UBXN2A: variants seen among roughly 807,000 people sequenced by gnomAD.
UBXN2A encodes UBX domain protein 2A, also known as UBX domain-containing protein 2A.
A neutral mutation model predicts 28.4 loss-of-function variants in UBXN2A; 28 were observed. The ratio of observed to expected loss-of-function variants is 0.99; its 90% confidence interval spans 0.73 to 1.35. UBXN2A has a LOEUF of 1.35. UBXN2A is among the 40% of genes most tolerant of loss of function. The pLI is 0.00. For synonymous variants in UBXN2A, 97 were observed against 103.6 expected (o/e 0.94, Z 0.39); for missense variants, 253 against 297.9 (o/e 0.85, Z 1.11).
chr2:23,941,770 A>T lies in UBXN2A; in HGVS notation c.-15+1122A>T, dbSNP rs1487452378. On this transcript the variant is annotated intron_variant, in intron 1 of 6. Coordinates refer to ENST00000309033, the MANE Select transcript of UBXN2A (RefSeq NM_181713.4). Reference sequence around the variant, plus strand: ...ACTCTACAGTGTCATTGGGCAAAACAGATATTAAGCAAATAATCAGGGCCC... The same window carrying T: ...ACTCTACAGTGTCATTGGGCAAAACTGATATTAAGCAAATAATCAGGGCCC... Among the ~76,000 whole-genome samples, 20 of 152,348 alleles carry T rather than the reference A, an allele frequency of 1.3e-4. No homozygotes were observed. The East Asian group carries it at 3.9e-3, about 29-fold the overall frequency.
At position 23,999,678 on chromosome 2, in the gene UBXN2A, C is replaced by G. The variant is rs1708667734; in HGVS notation, c.591C>G (p.Ser197Arg). 6.2e-7 allele frequency: 1 copy of G among 1,612,598 alleles called. No individual in the cohort carries two copies. The highest frequency in any genetic ancestry group is 1.3e-5 in the African/African-American group (1 of 74,792). ...VQKFNITHRV[S>R]HIKDFIEKYQ... is the part of the protein sequence containing the mutation. ...AGTTTTTGCTGTTTTACAGAGTAAG[C>G]CATATCAAAGACTTCATTGAAAAAT... Residue 197 changes from serine (S) to arginine (R), a missense_variant, in exon 7 of 7, where the codon AGC (serine) becomes AGG (arginine). Transcript: ENST00000309033.
At chr2:23,944,620 T>C (rs1305711246) in intron 1 of UBXN2A, among the ~76,000 whole-genome samples, 1 of 152,196 alleles carries the variant, frequency 6.6e-6, no homozygotes, top group Non-Finnish European at 1.5e-5. Flanking sequence ...GAAGCAGTTA[T>C]TCTCTCTCCA....
intron 6 of UBXN2A, chr2:23,996,966 T>G (rs918920534): frequency 2.0e-5 from 3 of 152,118 alleles, no homozygotes; most frequent in Non-Finnish European, 4.4e-5. Context: ...GATTCCAAAG[T>G]TACTGCGAGC....
intron 4 of UBXN2A, 149 bp downstream of exon 4, chr2:23,977,224 G>A: frequency 1.9e-6 from 1 of 538,488 alleles, no homozygotes; most frequent in South Asian, 2.7e-5. Context: ...TTACCAGCCA[G>A]CCCAGCTACT....
intron 1 of UBXN2A, among the ~76,000 whole-genome samples, chr2:23,944,536 C>G (rs1705950937): frequency 6.6e-6 from 1 of 152,180 alleles, no homozygotes; most frequent in South Asian, 2.1e-4. Flanking sequence ...GTCTAGTTTT[C>G]CCCTTGTTTC....
chr2:23,966,914 C>A lies in UBXN2A; in HGVS notation c.42-4362C>A, dbSNP rs565816790. ...CTGGGGCTACAGGTGTGCACCACCA[C>A]GCCCAGCTTATTCTTTTCTTTTTTT... On this transcript the variant is annotated intron_variant, in intron 2 of 6. Coordinates refer to ENST00000309033, the MANE Select transcript of UBXN2A (RefSeq NM_181713.4). Among the ~76,000 whole-genome samples, 3 of 151,866 alleles carry A rather than the reference C, an allele frequency of 2.0e-5. No individual in the cohort carries two copies. The South Asian group carries it at 6.3e-4, about 32-fold the overall frequency.
At chr2:23,940,334 A>T (rs1558834205), upstream of UBXN2A, 1 of 151,686 alleles carries the variant, frequency 6.6e-6, no homozygotes, top group Admixed American at 6.6e-5. Flanking sequence ...CAGTGGTGGG[A>T]AGGGGAGGCG....
intron 6 of UBXN2A, among the ~76,000 whole-genome samples, chr2:23,990,510 A>G (rs113468599): frequency 0.025 from 3,370 of 132,576 alleles, 139 homozygotes; most frequent in African/African-American, 0.088. Flanking sequence ...CTCAGGCCTG[A>G]AATCCCAGCA....
In UBXN2A at chr2:24,000,112, G is replaced by C. The variant is rs1708685947; in HGVS notation, c.*245G>C. 4.4e-6 allele frequency: 2 copies of C among 451,814 alleles called. No homozygotes were observed. The highest frequency in any genetic ancestry group is 7.8e-6 in the Non-Finnish European group (2 of 256,826). The allele number at this position is 451,814 out of a possible 1,614,324, so 28.0% of individuals were successfully genotyped here. A position where few individuals can be genotyped will look rare whatever the true frequency, so the allele number is the denominator to read the frequency against. ...AAAATAGACTTATTTTCAAATACCA[G>C]TTATCAAGATATATTAAATAGCTGT... On this transcript the variant is annotated 3_prime_UTR_variant, in exon 7 of 7. Coordinates refer to ENST00000309033, the MANE Select transcript of UBXN2A (RefSeq NM_181713.4).
rs768203260 is a variant in UBXN2A, at chr2:24,001,458, A to T, written c.*1591A>T. 1.3e-5 allele frequency: 2 copies of T among 150,760 alleles called. No homozygotes were observed. Among genetic ancestry groups the T allele is most frequent in the African/African-American group, 2.4e-5 (1 of 41,048 alleles). The allele number at this position is 150,760 out of a possible 1,614,324, so 9.3% of individuals were successfully genotyped here. A position where few individuals can be genotyped will look rare whatever the true frequency, so the allele number is the denominator to read the frequency against. On this transcript the variant is annotated 3_prime_UTR_variant, in exon 7 of 7. Coordinates refer to ENST00000309033, the MANE Select transcript of UBXN2A (RefSeq NM_181713.4). ...CCCCATACCTGAAAATAAGTTTAAC[A>T]TTTTTTTTTGCAAATGATCTATTGA...
chr2:23,979,139 TC>T (rs1357014018), intron 4 of UBXN2A, among the ~76,000 whole-genome samples: 1 of 151,942 alleles, frequency 6.6e-6, no homozygotes, highest in Non-Finnish European at 1.5e-5. Flanking sequence ...GGTCAGGAGT[TC>T]AAGACCATCC....
chr2:23,977,766 C>A (rs539266610), intron 4 of UBXN2A, among the ~76,000 whole-genome samples: 2 of 152,204 alleles, frequency 1.3e-5, no homozygotes, highest in African/African-American at 4.8e-5. Flanking sequence ...TACACATTCA[C>A]AGATATACTT....
upstream of UBXN2A, among the ~76,000 whole-genome samples, chr2:23,937,833 GA>G (rs747255973): frequency 6.6e-6 from 1 of 152,148 alleles, no homozygotes; most frequent in Non-Finnish European, 1.5e-5. Context: ...GTCGTTGTGT[GA>G]ACATCACAGA....
chr2:23,940,433 C>T (rs1363558482), upstream of UBXN2A: 3 of 150,182 alleles, frequency 2.0e-5, no homozygotes, highest in Non-Finnish European at 4.4e-5. Context: ...GCGCGCTCCT[C>T]GGGTCTGCGC....
At chr2:23,946,690 A>C (rs1706099786) in intron 1 of UBXN2A, among the ~76,000 whole-genome samples, 1 of 152,016 alleles carries the variant, frequency 6.6e-6, no homozygotes, top group African/African-American at 2.4e-5. Context: ...TTCTGACCTC[A>C]AGTGGTCCAC....
chr2:23,998,644 C>T (rs544150312), intron 6 of UBXN2A, among the ~76,000 whole-genome samples: 1 of 152,262 alleles, frequency 6.6e-6, no homozygotes, highest in East Asian at 1.9e-4. Flanking sequence ...TTGCTTGAAC[C>T]CGGGAGGTGG....
intron 1 of UBXN2A, among the ~76,000 whole-genome samples, chr2:23,954,011 T>G (rs568534658): frequency 5.3e-5 from 8 of 152,114 alleles, no homozygotes; most frequent in Non-Finnish European, 8.8e-5. Context: ...ACATTATAAT[T>G]TTTTTTTCTT....
intron 6 of UBXN2A, among the ~76,000 whole-genome samples, chr2:23,993,015 G>A (rs1708406947): frequency 6.6e-6 from 1 of 152,098 alleles, no homozygotes; most frequent in African/African-American, 2.4e-5. Flanking sequence ...TCTACCTGGT[G>A]CTTTCTATGT....
intron 3 of UBXN2A, among the ~76,000 whole-genome samples, chr2:23,975,028 C>G (rs760474771): frequency 6.6e-6 from 1 of 151,504 alleles, no homozygotes; most frequent in Non-Finnish European, 1.5e-5. Context: ...GACAGCTTCT[C>G]AAAACTTAAG....
Sources: allele counts gnomAD v4.1 joint callset (sites outside exome capture counted in the v4.1 genomes callset), GRCh38; gene constraint gnomAD v4.1.1; transcripts MANE v1.5; gene names NCBI Gene and HGNC (gene_info 2026-07-23, HGNC 2026-07-21).